ACTN2: variants seen among roughly 807,000 people sequenced by gnomAD.
The protein encoded by ACTN2 is actinin alpha 2.
Under a neutral mutation model 113.8 loss-of-function variants are expected in ACTN2, and 39 were observed. The observed-to-expected ratio is 0.34, with a 90% CI of 0.27 to 0.45. The LOEUF (loss-of-function observed/expected upper bound fraction) is 0.45, where lower values mean the gene tolerates loss of function less well. Ranked by LOEUF, ACTN2 falls within the 20% of genes least tolerant of loss-of-function variation. ACTN2 has a pLI of 1.00. For missense variants in ACTN2, 992 were observed against 1,177.9 expected, an observed-to-expected ratio of 0.84 and a Z score of 2.31; for synonymous variants, 429 against 444.1, an observed-to-expected ratio of 0.97 and a Z score of 0.43.
intron 18 of ACTN2, among the ~76,000 whole-genome samples, chr1:236,758,103 T>A (rs1439872038): frequency 6.6e-6 from 1 of 152,116 alleles, no homozygotes; most frequent in Non-Finnish European, 1.5e-5. Flanking sequence ...TTTAAGGACA[T>A]GCAGCAATAA....
Position 236,686,529 on chromosome 1 carries a change from C to G in ACTN2, c.-145C>G. On this transcript the variant is annotated 5_prime_UTR_variant, in exon 1 of 21. Transcript: ENST00000366578. Reference sequence around the variant, plus strand: ...TGGTGCTTCGCCCGAGACCCAGCGCCCAGGCGTGTCGCCCCGAGAGGAGCC... The same window carrying G: ...TGGTGCTTCGCCCGAGACCCAGCGCGCAGGCGTGTCGCCCCGAGAGGAGCC... 1.0e-6 allele frequency: 1 copy of G among 956,148 alleles called. No homozygotes were observed. The highest frequency in any genetic ancestry group is 1.4e-6 in the Non-Finnish European group (1 of 729,372). The allele number at this position is 956,148 out of a possible 1,614,324, so 59.2% of individuals were successfully genotyped here. A position where few individuals can be genotyped will look rare whatever the true frequency, so the allele number is the denominator to read the frequency against.
At chr1:236,737,014 C>T (rs1658898133) in intron 8 of ACTN2, 108 bp from the exon 9 acceptor site, 1 of 871,534 alleles carries the variant, frequency 1.1e-6, no homozygotes, top group Non-Finnish European at 1.9e-6. Flanking sequence ...TCTGCACCGT[C>T]TACAGCACGC....
At chr1:236,737,315 ATATT>A in intron 9 of ACTN2, 101 bp downstream of exon 9, 2 of 294,480 alleles carry the variant, frequency 6.8e-6, no homozygotes, top group Non-Finnish European at 6.8e-6. Flanking sequence ...ATATATATAT[ATATT>A]TTGCATTTTT....
rs137890030 is a variant in ACTN2, at chr1:236,751,607, G to C, written c.1794G>C (p.Pro598=). 39 of 1,613,866 alleles carry C rather than the reference G, an allele frequency of 2.4e-5. No homozygotes were observed. The highest frequency in any genetic ancestry group is 3.3e-5 in the Non-Finnish European group (39 of 1,179,922). The change falls in exon 15 of 21, where the codon CCG becomes CCC. Residue 598 remains proline (P), a synonymous_variant. Coordinates refer to ENST00000366578, the MANE Select transcript of ACTN2 (RefSeq NM_001103.4). ...SYNIRISSSN[P]YSTVTMDELR... The stretch of plus-strand genomic sequence containing the variant: ...ACATCAGAATCAGCTCAAGCAACCC[G>C]TACAGCACTGTCACCATGGATGAGC...
chr1:236,745,031 A>G (rs1166688327), intron 12 of ACTN2, among the ~76,000 whole-genome samples: 2 of 152,182 alleles, frequency 1.3e-5, no homozygotes, highest in Non-Finnish European at 2.9e-5. Context: ...AAGATGAGAA[A>G]TAAGTCTGGA....
chr1:236,715,155 C>CT lies in ACTN2; in HGVS notation c.127-2689dup, dbSNP rs5781921. ...TTCGTACCACTTGAATTTCTTTTTC[C>CT]TTTTTTTTTTTTTTATTCTACTTTA... On this transcript the variant is annotated intron_variant, in intron 1 of 20. Transcript: ENST00000366578. 6.6e-4 allele frequency among the ~76,000 whole-genome samples: 95 copies of CT among 143,198 alleles called. 1 individual carries two copies. The highest frequency in any genetic ancestry group is 7.3e-3 in the Middle Eastern group (2 of 274). 93.9% of individuals were successfully genotyped at this position (143,198 alleles called of 152,430 possible).
At chr1:236,727,613 G>A in intron 5 of ACTN2, 65 bp from the exon 6 acceptor site, 2 of 1,526,944 alleles carry the variant, frequency 1.3e-6, no homozygotes, top group Non-Finnish European at 1.8e-6. Context: ...CTGACTGAGT[G>A]CAGATGCTGG....
intron 1 of ACTN2, among the ~76,000 whole-genome samples, chr1:236,710,375 C>T (rs117075589): frequency 0.013 from 1,979 of 152,282 alleles, 79 homozygotes; most frequent in Admixed American, 0.079. Context: ...TTCTTTTTGC[C>T]GTTAAGCACA....
chr1:236,728,168 G>C (rs1407294602), intron 6 of ACTN2, among the ~76,000 whole-genome samples: 1 of 131,054 alleles, frequency 7.6e-6, no homozygotes, highest in African/African-American at 2.9e-5. Flanking sequence ...TTTTGAGACA[G>C]AGTCTCGCTC....
chr1:236,754,919 T>A lies in ACTN2; in HGVS notation c.1975-100T>A. 7.0e-7 allele frequency: 1 copy of A among 1,426,146 alleles called. No homozygotes were observed. The highest frequency in any genetic ancestry group is 9.9e-7 in the Non-Finnish European group (1 of 1,011,050). The allele number at this position is 1,426,146 out of a possible 1,614,324, so 88.3% of individuals were successfully genotyped here. A position where few individuals can be genotyped will look rare whatever the true frequency, so the allele number is the denominator to read the frequency against. ...CACTGGCCGCTGCCTGACGCTGGCCTAGCATCCCATGCAGGGTCTGGAACG... is the reference window on the plus strand; with the variant it reads ...CACTGGCCGCTGCCTGACGCTGGCCAAGCATCCCATGCAGGGTCTGGAACG... On this transcript the variant is annotated intron_variant, in intron 16 of 20. Coordinates refer to ENST00000366578, the MANE Select transcript of ACTN2 (RefSeq NM_001103.4). This position sits in a 1 kb window ranked among gnomAD's most constrained non-coding sequence, Gnocchi z 4.9.
At chr1:236,755,694 G>T (rs34400242) in intron 17 of ACTN2, among the ~76,000 whole-genome samples, 495 of 95,406 alleles carry the variant, frequency 5.2e-3, no homozygotes, top group East Asian at 0.026. Context: ...TACTGCAGAG[G>T]GCCCGCTGCC....
At chr1:236,737,611 C>T (rs1413644123) in intron 9 of ACTN2, among the ~76,000 whole-genome samples, 1 of 151,476 alleles carries the variant, frequency 6.6e-6, no homozygotes, top group Non-Finnish European at 1.5e-5. Flanking sequence ...TATGCAAAAG[C>T]CTCACTCCAC....
chr1:236,751,478 C>G lies in ACTN2; in HGVS notation c.1665C>G (p.Ile555Met). The G allele has an allele frequency of 3.1e-6, 5 of 1,614,020 alleles. No homozygotes were observed. The highest frequency in any genetic ancestry group is 4.2e-6 in the Non-Finnish European group (5 of 1,180,022). Residue 555 changes from isoleucine to methionine, a missense_variant, in exon 15 of 21, where the codon ATC (isoleucine) becomes ATG (methionine). Coordinates refer to ENST00000366578, the MANE Select transcript of ACTN2 (RefSeq NM_001103.4). ...VHSIEEIQSL[I>M]TAHEQFKATL... ...TTGTGTCTCGGGTGTAGAGTCTGAT[C>G]ACTGCGCATGAGCAGTTCAAGGCCA...
intron 9 of ACTN2, among the ~76,000 whole-genome samples, chr1:236,738,757 G>C (rs765600792): frequency 5.3e-5 from 8 of 152,186 alleles, no homozygotes; most frequent in Non-Finnish European, 8.8e-5. Flanking sequence ...TACCACGTTC[G>C]CTTTTATCAT....
chr1:236,709,262 A>ATATATG (rs1657936720), intron 1 of ACTN2, among the ~76,000 whole-genome samples: 1 of 124,500 alleles, frequency 8.0e-6, no homozygotes, highest in African/African-American at 3.7e-5. Context: ...ATATACACAC[A>ATATATG]CACACACACA....
intron 1 of ACTN2, among the ~76,000 whole-genome samples, chr1:236,699,058 T>C (rs980303046): frequency 2.0e-5 from 3 of 152,224 alleles, no homozygotes; most frequent in Non-Finnish European, 4.4e-5. Flanking sequence ...CTAATTATTT[T>C]ATTGCATATT....
At chr1:236,713,323 G>T (rs1028969092) in intron 1 of ACTN2, among the ~76,000 whole-genome samples, 2 of 151,976 alleles carry the variant, frequency 1.3e-5, no homozygotes, top group Admixed American at 1.3e-4. Context: ...TGCCTCCCGG[G>T]TTCAAGCAAT....
chr1:236,711,815 T>C (rs990299334), intron 1 of ACTN2, among the ~76,000 whole-genome samples: 1 of 152,188 alleles, frequency 6.6e-6, no homozygotes, highest in Non-Finnish European at 1.5e-5. Context: ...TAAGCTGTTA[T>C]TCAGGAGAGA....
rs866616605 is a variant in ACTN2, at chr1:236,727,982, A to G, written c.615+226A>G. Among the ~76,000 whole-genome samples, 63 of 152,284 alleles carry G rather than the reference A, an allele frequency of 4.1e-4. No individual in the cohort carries two copies. The highest frequency in any genetic ancestry group is 1.4e-3 in the African/African-American group (59 of 41,562). On this transcript the variant is annotated intron_variant, in intron 6 of 20. Coordinates refer to ENST00000366578, the MANE Select transcript of ACTN2 (RefSeq NM_001103.4). ...TCAGGGAAAACAAGACCCAAAGTTAAGTCATCCCTTTTTGCCCATATCAAG... is the reference window on the plus strand; with the variant it reads ...TCAGGGAAAACAAGACCCAAAGTTAGGTCATCCCTTTTTGCCCATATCAAG...
Sources: allele counts gnomAD v4.1 joint callset (sites outside exome capture counted in the v4.1 genomes callset), GRCh38; gene constraint gnomAD v4.1.1; non-coding constraint Gnocchi (gnomAD v3.1); transcripts MANE v1.5; gene names NCBI Gene and HGNC (gene_info 2026-07-23, HGNC 2026-07-21).